SYT16: variants seen among roughly 807,000 people sequenced by gnomAD.
SYT16 encodes the protein synaptotagmin 16, also known as synaptotagmin-16.
SYT16 carries 42 observed loss-of-function variants against 61.4 expected under a neutral mutation model. That is an observed-to-expected ratio of 0.68 (90% CI 0.53 to 0.89). The LOEUF is 0.89. Ranked by LOEUF, SYT16 falls within the 40% of genes least tolerant of loss-of-function variation. SYT16 has a pLI of 0.00. For synonymous variants in SYT16, 314 were observed against 302.3 expected, an observed-to-expected ratio of 1.04 and a Z score of -0.40; for missense variants, 804 against 807.3, an observed-to-expected ratio of 1.00 and a Z score of 0.05.
At chr14:62,094,280 C>T (rs192383787) in intron 7 of SYT16, among the ~76,000 whole-genome samples, 49 of 152,180 alleles carry the variant, frequency 3.2e-4, no homozygotes, top group Middle Eastern at 3.4e-3. Context: ...TTCAGAGATC[C>T]GGAATCAATC....
At chr14:61,885,450 G>A (rs757977909) in intron 1 of SYT16, among the ~76,000 whole-genome samples, 17 of 152,142 alleles carry the variant, frequency 1.1e-4, no homozygotes, top group Non-Finnish European at 2.4e-4. Context: ...TTCTCTTGTG[G>A]CATTCAGGGA....
At chr14:61,822,122 C>T (rs2045636795) in intron 1 of SYT16, among the ~76,000 whole-genome samples, 1 of 152,170 alleles carries the variant, frequency 6.6e-6, no homozygotes, top group South Asian at 2.1e-4. Context: ...ATTCCGAAAG[C>T]CTCAAAACTG....
chr14:62,091,346 A>G (rs981703800), intron 7 of SYT16, among the ~76,000 whole-genome samples: 4 of 152,228 alleles, frequency 2.6e-5, no homozygotes, highest in African/African-American at 9.6e-5. Context: ...GCAATTCAGA[A>G]AGAAAGCAAT....
At chr14:61,814,319 TAACAAAGTAAGACTC>T (rs1280817781) in intron 1 of SYT16, among the ~76,000 whole-genome samples, 20 of 152,276 alleles carry the variant, frequency 1.3e-4, no homozygotes, top group Non-Finnish European at 1.5e-5. Flanking sequence ...AAGCTTTACT[TAACAAAGTAAGACTC>T]AACAAAGAAG....
intron 1 of SYT16, among the ~76,000 whole-genome samples, chr14:61,882,899 G>T (rs930491748): frequency 6.6e-6 from 1 of 152,228 alleles, no homozygotes; most frequent in Non-Finnish European, 1.5e-5. Flanking sequence ...GGCCAGTCAT[G>T]AAATCTTAAA....
intron 2 of SYT16, among the ~76,000 whole-genome samples, chr14:61,990,930 C>CATAGGAAA (rs1412560012): frequency 6.6e-6 from 1 of 152,146 alleles, no homozygotes; most frequent in Non-Finnish European, 1.5e-5. Flanking sequence ...TTAATATTTA[C>CATAGGAAA]TGCTTAGTCA....
At chr14:61,934,479 G>A (rs1364635809) in intron 1 of SYT16, among the ~76,000 whole-genome samples, 1 of 152,184 alleles carries the variant, frequency 6.6e-6, no homozygotes, top group Non-Finnish European at 1.5e-5. Context: ...TTGAGGCACT[G>A]TTATGCAAAG....
intron 1 of SYT16, among the ~76,000 whole-genome samples, chr14:61,920,571 A>G (rs1420584162): frequency 3.3e-5 from 5 of 152,182 alleles, no homozygotes; most frequent in African/African-American, 1.2e-4. Flanking sequence ...CTCTAGGTCC[A>G]GGCCTGTCTC....
At position 61,995,999 on chromosome 14, in the gene SYT16, G is replaced by A; in HGVS notation, c.-21G>A. 1 of 1,563,296 alleles carries A rather than the reference G, an allele frequency of 6.4e-7. No individual in the cohort carries two copies. The highest frequency in any genetic ancestry group is 8.7e-7 in the Non-Finnish European group (1 of 1,155,976). On this transcript the variant is annotated 5_prime_UTR_variant, in exon 3 of 8. Transcript: ENST00000683842. ...TGAAGGAACTGAACAACTGGACACT[G>A]TAGACATCAGATAGCTGGCCATGGT...
At chr14:62,060,967 A>G (rs2055800380) in intron 3 of SYT16, among the ~76,000 whole-genome samples, 1 of 152,096 alleles carries the variant, frequency 6.6e-6, no homozygotes, top group South Asian at 2.1e-4. Flanking sequence ...GCATGTCATT[A>G]TGATCAACTG....
intron 1 of SYT16, among the ~76,000 whole-genome samples, chr14:61,816,178 G>A (rs116165899): frequency 0.028 from 4,226 of 152,216 alleles, 124 homozygotes; most frequent in African/African-American, 0.071. Context: ...CCTGCAGTCA[G>A]TCTCCACCAG....
intron 2 of SYT16, among the ~76,000 whole-genome samples, chr14:61,987,677 G>A (rs1233584697): frequency 6.6e-6 from 1 of 151,668 alleles, no homozygotes; most frequent in African/African-American, 2.4e-5. Context: ...CAAGGAAAAC[G>A]ATAGAAGAAA....
chr14:62,038,936 G>A (rs1254916), intron 3 of SYT16, among the ~76,000 whole-genome samples: 85,958 of 152,064 alleles, frequency 0.57, 24,762 homozygotes, highest in African/African-American at 0.66. Context: ...CCTACAAAGT[G>A]TTTCTTTTGC....
chr14:62,072,243 A>T (rs1892049), intron 4 of SYT16, among the ~76,000 whole-genome samples: 1 of 152,108 alleles, frequency 6.6e-6, no homozygotes, highest in Non-Finnish European at 1.5e-5. Context: ...AACCAGCTCA[A>T]TTGTCTCCAG....
chr14:62,099,646 A>G (rs1373613333), intron 7 of SYT16, among the ~76,000 whole-genome samples: 3 of 152,178 alleles, frequency 2.0e-5, no homozygotes, highest in Non-Finnish European at 2.9e-5. Context: ...CATTGAAACT[A>G]TGGGAGTGGA....
intron 1 of SYT16, among the ~76,000 whole-genome samples, chr14:61,837,855 C>T (rs902904164): frequency 2.6e-5 from 4 of 152,198 alleles, no homozygotes; most frequent in African/African-American, 9.7e-5. Flanking sequence ...TTCTCAGTAT[C>T]CAGCAAAGCT....
At chr14:61,994,462 T>G (rs2052681385) in intron 2 of SYT16, among the ~76,000 whole-genome samples, 1 of 152,146 alleles carries the variant, frequency 6.6e-6, no homozygotes, top group Non-Finnish European at 1.5e-5. Flanking sequence ...TCATTGGCTT[T>G]GACAGCCACA....
At chr14:61,832,392 C>G in intron 1 of SYT16, 1 of 533,936 alleles carries the variant, frequency 1.9e-6, no homozygotes, top group South Asian at 1.4e-5. Flanking sequence ...GCCCCACCAC[C>G]GCCGCCCTCT....
At chr14:61,934,086 T>A (rs962920485) in intron 1 of SYT16, among the ~76,000 whole-genome samples, 3 of 152,220 alleles carry the variant, frequency 2.0e-5, no homozygotes, top group Non-Finnish European at 4.4e-5. Context: ...GCATATACTT[T>A]TTCTGTATAA....
Sources: gnomAD v4.1 joint callset for allele counts (sites outside exome capture counted in the v4.1 genomes callset) on GRCh38, gnomAD v4.1.1 for gene constraint, MANE v1.5 for transcripts, NCBI Gene and HGNC (gene_info 2026-07-23, HGNC 2026-07-21) for gene names.